ALX3: variants seen among roughly 807,000 people sequenced by gnomAD.
ALX3 encodes the protein homeobox protein aristaless-like 3.
A neutral mutation model predicts 26.3 loss-of-function variants in ALX3; 17 were observed. The ratio of observed to expected loss-of-function variants is 0.65; its 90% CI spans 0.44 to 0.97. The LOEUF (loss-of-function observed/expected upper bound fraction) is 0.97, where lower values mean the gene tolerates loss of function less well. Ranked by LOEUF, ALX3 falls within the 50% of genes least tolerant of loss-of-function variation. The pLI, the probability that ALX3 is intolerant of heterozygous loss-of-function variation, is 0.00. For missense variants in ALX3, 461 were observed against 466.5 expected (o/e 0.99, Z 0.11); for synonymous variants, 208 against 201.4 (o/e 1.03, Z -0.28).
rs777618405 is a variant in ALX3, at chr1:110,064,827, G to C, written c.354C>G (p.Pro118=). 51 of 1,613,608 alleles carry C rather than the reference G, an allele frequency of 3.2e-5. No homozygotes were observed. In the Middle Eastern group the frequency reaches 1.2e-3, roughly 36 times the overall value. The part of the protein sequence containing the change: ...LDCRGGPRDG[P]SNLQGSPGPC... ...GGCCTGGGGAGCCTTGCAAGTTAGA[G>C]GGCCCGTCTCTGGGGCCCCCTCGGC... Residue 118 remains proline, a synonymous_variant, in exon 2 of 4, where the codon CCC becomes CCG. Transcript: ENST00000647563.
chr1:110,062,616 TGTGTGTGTGTGTGTGTGTGTGTGTGTGTG>T (rs1366233089), intron 2 of ALX3: 6 of 3,972 alleles, frequency 1.5e-3, no homozygotes, highest in Non-Finnish European at 4.8e-3. Context: ...TGTGTGTGTG[TGTGTGTGTGTGTGTGTGTGTGTGTGTGTG>T]GAGTAATCCG....
chr1:110,061,377 C>T, intron 3 of ALX3, 58 bp downstream of exon 3: 2 of 1,613,822 alleles, frequency 1.2e-6, no homozygotes, highest in South Asian at 2.2e-5. Context: ...CAGGCCAGAC[C>T]TCATATTCTT....
At chr1:110,065,958 G>C (rs570919033) in intron 1 of ALX3, among the ~76,000 whole-genome samples, 2 of 152,374 alleles carry the variant, frequency 1.3e-5, no homozygotes, top group Admixed American at 1.3e-4. Flanking sequence ...AGTCCACTGG[G>C]ATGGCAGCTG....
intron 2 of ALX3, chr1:110,062,364 GGCACATCTGTGTGTTGT>G (rs1389396264): frequency 6.6e-6 from 1 of 152,340 alleles, no homozygotes; most frequent in Non-Finnish European, 1.5e-5. Context: ...AGATAGGGGT[GGCACATCTGTGTGTTGT>G]GCACATCTGT....
chr1:110,062,645 G>GTGTGCGCGCGCGCGCGCGCGCGCGCGC (rs57279963), intron 2 of ALX3: 1 of 132,300 alleles, frequency 7.6e-6, no homozygotes, highest in African/African-American at 2.8e-5. Flanking sequence ...GTGTGTGTGT[G>GTGTGCGCGCGCGCGCGCGCGCGCGCGC]GAGTAATCCG....
intron 2 of ALX3, among the ~76,000 whole-genome samples, chr1:110,062,872 G>T (rs978754631): frequency 4.6e-5 from 7 of 152,178 alleles, no homozygotes; most frequent in African/African-American, 1.7e-4. Context: ...CCCTGACAGA[G>T]GATGAGGGAG....
chr1:110,063,024 T>C (rs192724563), intron 2 of ALX3, among the ~76,000 whole-genome samples: 12 of 152,196 alleles, frequency 7.9e-5, no homozygotes, highest in African/African-American at 2.6e-4. Flanking sequence ...TTCCTCTCCA[T>C]AGGGCAGGGT....
intron 2 of ALX3, chr1:110,061,877 C>T: frequency 4.7e-6 from 2 of 428,750 alleles, no homozygotes; most frequent in South Asian, 5.1e-5. Flanking sequence ...CCTCAGGGGC[C>T]CTAGGTACTT....
chr1:110,060,859 G>A lies in ALX3; in HGVS notation c.906C>T (p.Gly302=). 6.2e-7 allele frequency: 1 copy of A among 1,614,076 alleles called. No homozygotes were observed. The highest frequency in any genetic ancestry group is 2.2e-5 in the East Asian group (1 of 44,862). Residue 302 remains glycine, a synonymous_variant, in exon 4 of 4, where the codon GGC becomes GGT. Transcript: ENST00000647563. ...TGTGGCCCCCCAGGGTGGGGGGAAA[G>A]CCATGGATGGAGTAGATGCCAGGGT... ...AAHPGIYSIH[G]FPPTLGGHSF...
Position 110,061,052 on chromosome 1 carries a change from A to G in ALX3, c.724-11T>C, listed in dbSNP as rs1425449481. 1 of 1,599,216 alleles carries G rather than the reference A, an allele frequency of 6.3e-7. No individual in the cohort carries two copies. Among genetic ancestry groups the G allele is most frequent in the Non-Finnish European group, 8.5e-7 (1 of 1,173,836 alleles). On this transcript the variant is annotated splice_polypyrimidine_tract_variant and intron_variant, in intron 3 of 3. Coordinates refer to ENST00000647563, the MANE Select transcript of ALX3 (RefSeq NM_006492.3). ...CAGGGAGTTCTGCAGCTGAAAAGAG[A>G]GGGAAAGAAGGCCCATGAGCCTGTA...
At chr1:110,070,226 A>G in intron 1 of ALX3, 110 bp downstream of exon 1, 1 of 1,186,426 alleles carries the variant, frequency 8.4e-7, no homozygotes, top group Admixed American at 4.0e-5. Flanking sequence ...AGGGGCAAAA[A>G]GTTGAGAAAT....
chr1:110,060,953 A>C lies in ALX3; in HGVS notation c.812T>G (p.Met271Arg). 1 of 1,613,106 alleles carries C rather than the reference A, an allele frequency of 6.2e-7. No individual in the cohort carries two copies. The highest frequency in any genetic ancestry group is 8.5e-7 in the Non-Finnish European group (1 of 1,179,720). The change falls in exon 4 of 4, where the codon ATG becomes AGG. Residue 271 changes from methionine to arginine, a missense_variant. Transcript: ENST00000647563. Reference protein sequence around the residue: ...VSPEGIPSPCMSPYSHPHGSV... With the variant: ...VSPEGIPSPCRSPYSHPHGSV... ...CCCATGGGGGTGGGAATATGGAGAC[A>C]TGCATGGGGAGGGGATGCCCTCTGG...
At chr1:110,065,637 A>G (rs1403837449) in intron 1 of ALX3, among the ~76,000 whole-genome samples, 1 of 152,130 alleles carries the variant, frequency 6.6e-6, no homozygotes, top group African/African-American at 2.4e-5. Context: ...AGAGTTGGGG[A>G]CCAGTGTCAC....
chr1:110,066,801 C>T (rs901823075), intron 1 of ALX3, among the ~76,000 whole-genome samples: 1 of 152,138 alleles, frequency 6.6e-6, no homozygotes, highest in Admixed American at 6.5e-5. Context: ...TGCTCATCTG[C>T]CTCTTGGGTC....
chr1:110,061,689 A>C, intron 2 of ALX3, 126 bp from the exon 3 acceptor site: 9 of 1,405,986 alleles, frequency 6.4e-6, no homozygotes, highest in Non-Finnish European at 8.7e-6. Flanking sequence ...GGAGGATCTC[A>C]ACTGTTAATC....
Position 110,064,588 on chromosome 1 carries a change from T to C in ALX3, c.593A>G (p.Gln198Arg). 1 of 1,614,014 alleles carries C rather than the reference T, an allele frequency of 6.2e-7. No individual in the cohort carries two copies. The highest frequency in any genetic ancestry group is 2.2e-5 in the East Asian group (1 of 44,882). ...GCCCCATCCTTGCAGTGCCCTCACC[T>C]GTACCCGGGCCTCAGTCAGGTCTGT... Reference protein sequence around the residue: ...LRTDLTEARVQVWFQNRRAKW... With the variant: ...LRTDLTEARVRVWFQNRRAKW... The change falls in exon 2 of 4, where the codon CAG (glutamine) becomes CGG (arginine). Residue 198 changes from glutamine (Q) to arginine (R), a missense_variant and splice_region_variant. Physicochemically the swap from Gln to Arg is conservative, Grantham distance 43 (BLOSUM62 1). Around this residue, in one of 3 missense-constraint regions of ALX3, gnomAD observed 51 missense variants for 82.4 expected, o/e 0.62. Coordinates refer to ENST00000647563, the MANE Select transcript of ALX3 (RefSeq NM_006492.3).
rs1263111527 is a variant in ALX3, at chr1:110,060,723, A to T, written c.*10T>A. ...GGTGGGCAGCTCATTCTGCAGGTCC[A>T]TGCAACCGATCACGTGGTCCAGTTC... On this transcript the variant is annotated 3_prime_UTR_variant, in exon 4 of 4. Coordinates refer to ENST00000647563, the MANE Select transcript of ALX3 (RefSeq NM_006492.3). 1 of 1,586,230 alleles carries T rather than the reference A, an allele frequency of 6.3e-7. No individual in the cohort carries two copies.
At chr1:110,066,072 A>G (rs772437483) in intron 1 of ALX3, among the ~76,000 whole-genome samples, 23 of 152,358 alleles carry the variant, frequency 1.5e-4, no homozygotes, top group African/African-American at 5.5e-4. Context: ...AGCTGGCACA[A>G]GAGGCAGTGT....
chr1:110,061,951 T>C (rs1653659750), intron 2 of ALX3: 1 of 235,254 alleles, frequency 4.3e-6, no homozygotes, highest in Non-Finnish European at 8.4e-6. Flanking sequence ...TTTTCCAGGC[T>C]ACCCACCTCA....
Sources: gnomAD v4.1 joint callset for allele counts (sites outside exome capture counted in the v4.1 genomes callset) on GRCh38, gnomAD v4.1.1 for gene constraint, gnomAD v4.1.1 regional missense constraint, MANE v1.5 for transcripts, NCBI Gene and HGNC (gene_info 2026-07-23, HGNC 2026-07-21) for gene names.